BRINP3: variants seen among roughly 807,000 people sequenced by gnomAD.
BRINP3 encodes BMP/retinoic acid-inducible neural-specific protein 3.
BRINP3 carries 19 observed loss-of-function variants against 71.0 expected under a neutral mutation model. The ratio of observed to expected loss-of-function variants is 0.27; its 90% CI spans 0.19 to 0.39. BRINP3 has a LOEUF of 0.39. Among genes scored for constraint, BRINP3 ranks in the 10% least tolerant of loss-of-function variants. BRINP3 has a pLI of 1.00. For synonymous variants in BRINP3, 380 were observed against 337.7 expected, an observed-to-expected ratio of 1.13 and a Z score of -1.37; for missense variants, 959 against 940.8, an observed-to-expected ratio of 1.02 and a Z score of -0.25.
intron 3 of BRINP3, among the ~76,000 whole-genome samples, chr1:190,274,863 C>T (rs776300296): frequency 8.6e-5 from 13 of 151,486 alleles, no homozygotes; most frequent in Non-Finnish European, 1.6e-4. Context: ...GAGAAATAGG[C>T]TTTTGCCAAG....
At chr1:190,294,506 C>T (rs1664103309) in intron 2 of BRINP3, among the ~76,000 whole-genome samples, 1 of 152,004 alleles carries the variant, frequency 6.6e-6, no homozygotes, top group Non-Finnish European at 1.5e-5. Flanking sequence ...CCTGCCTTGG[C>T]CTCTCAAAGA....
chr1:190,393,283 T>A (rs1671365109), intron 2 of BRINP3, among the ~76,000 whole-genome samples: 1 of 151,566 alleles, frequency 6.6e-6, no homozygotes, highest in Non-Finnish European at 1.5e-5. Context: ...GATTTAAAAA[T>A]TTTCTTAAGA....
rs1008081308 is a variant in BRINP3, at chr1:190,160,819, A to G, written c.1033T>C (p.Trp345Arg). ...FLNTSTIMHL[W>R]TMDSNFQRRY... ...CGCTGAAAATTAGAATCCATTGTCCACAAATGCATTATAGTAGATGTGTTG... is the reference window on the plus strand; with the variant it reads ...CGCTGAAAATTAGAATCCATTGTCCGCAAATGCATTATAGTAGATGTGTTG... Residue 345 changes from tryptophan to arginine, a missense_variant, in exon 7 of 8, where the codon TGG becomes CGG. Transcript: ENST00000367462. 5 of 1,613,616 alleles carry G rather than the reference A, an allele frequency of 3.1e-6. No homozygotes were observed. The highest frequency in any genetic ancestry group is 4.2e-6 in the Non-Finnish European group (5 of 1,179,698).
At chr1:190,156,529 T>C (rs776202385) in intron 7 of BRINP3, among the ~76,000 whole-genome samples, 3 of 151,940 alleles carry the variant, frequency 2.0e-5, no homozygotes, top group Non-Finnish European at 4.4e-5. Flanking sequence ...TTTTTTGTTT[T>C]CCTGATGTCA....
At chr1:190,220,213 G>A (rs1656757034) in intron 6 of BRINP3, among the ~76,000 whole-genome samples, 2 of 151,928 alleles carry the variant, frequency 1.3e-5, no homozygotes, top group Admixed American at 6.6e-5. Context: ...GAGAAAAGAA[G>A]CAAAAAGGAT....
At chr1:190,279,900 C>T (rs1474663510) in intron 3 of BRINP3, among the ~76,000 whole-genome samples, 1 of 151,688 alleles carries the variant, frequency 6.6e-6, no homozygotes, top group African/African-American at 2.4e-5. Flanking sequence ...TTTGGATGAC[C>T]TCAATCTCCT....
chr1:190,346,113 A>T (rs1450891235), intron 2 of BRINP3, among the ~76,000 whole-genome samples: 3 of 152,002 alleles, frequency 2.0e-5, no homozygotes, highest in African/African-American at 7.2e-5. Context: ...ATATGTTTGC[A>T]AAGGCAAGTA....
intron 1 of BRINP3, among the ~76,000 whole-genome samples, chr1:190,455,671 A>G (rs1270725663): frequency 1.3e-5 from 2 of 152,278 alleles, no homozygotes; most frequent in Admixed American, 1.3e-4. Context: ...AATCATAATT[A>G]CATTATTTCT....
chr1:190,176,527 A>G (rs990330810), intron 6 of BRINP3, among the ~76,000 whole-genome samples: 11 of 152,318 alleles, frequency 7.2e-5, no homozygotes, highest in Non-Finnish European at 8.8e-5. Context: ...AGTGGATTTA[A>G]CCAAAATTTG....
chr1:190,370,563 TA>T (rs1669794182), intron 2 of BRINP3, among the ~76,000 whole-genome samples: 1 of 152,176 alleles, frequency 6.6e-6, no homozygotes, highest in South Asian at 2.1e-4. Flanking sequence ...TGAATCTTTA[TA>T]AAGGCACCAC....
intron 7 of BRINP3, among the ~76,000 whole-genome samples, chr1:190,122,679 T>C (rs990450550): frequency 3.3e-5 from 5 of 152,128 alleles, no homozygotes; most frequent in African/African-American, 9.7e-5. Flanking sequence ...TGTATACATA[T>C]GTAACAAACC....
intron 4 of BRINP3, among the ~76,000 whole-genome samples, chr1:190,236,034 G>A (rs1658484280): frequency 6.6e-6 from 1 of 152,006 alleles, no homozygotes; most frequent in Non-Finnish European, 1.5e-5. Context: ...AGAGGAGGAG[G>A]AAACATAAGG....
intron 7 of BRINP3, among the ~76,000 whole-genome samples, chr1:190,150,003 T>A (rs1656244209): frequency 6.6e-6 from 1 of 152,190 alleles, no homozygotes; most frequent in Non-Finnish European, 1.5e-5. Context: ...TGAAATGTAT[T>A]CACTCACTTT....
At chr1:190,307,430 G>A (rs147479639) in intron 2 of BRINP3, among the ~76,000 whole-genome samples, 2,053 of 151,144 alleles carry the variant, frequency 0.014, 51 homozygotes, top group African/African-American at 0.046. Flanking sequence ...CACCACACCT[G>A]GCTAATTAAA....
At chr1:190,474,933 C>T (rs1677403383) in intron 1 of BRINP3, 2 of 152,008 alleles carry the variant, frequency 1.3e-5, no homozygotes, top group African/African-American at 4.8e-5. Flanking sequence ...CCCACCCCCA[C>T]CTCCAGAAAG....
rs897050644 is a variant in BRINP3, at chr1:190,098,900, G to A, written c.1419C>T (p.Leu473=). 2.5e-6 allele frequency: 4 copies of A among 1,614,194 alleles called. No individual in the cohort carries two copies. In the African/African-American group the frequency reaches 5.3e-5, roughly 22 times the overall value. Residue 473 remains leucine, a synonymous_variant, in exon 8 of 8, where the codon CTC becomes CTT. Coordinates refer to ENST00000367462, the MANE Select transcript of BRINP3 (RefSeq NM_199051.3). ...CNTGYMLSQG[L]CKPEVAESTD... ...TGGACTCGGCGACTTCAGGCTTGCA[G>A]AGCCCCTGGCTGAGCATGTAGCCGG...
rs1183723811 is a variant in BRINP3 at position 190,099,171 on chromosome 1, A to G, written c.1185-37T>C. ...AAACAGAACGAATCTACATAAATAC[A>G]AAGATATTCTGTGTACTGCAGTAAA... On this transcript the variant is annotated intron_variant, in intron 7 of 7. Coordinates refer to ENST00000367462, the MANE Select transcript of BRINP3 (RefSeq NM_199051.3). 5.7e-6 allele frequency: 9 copies of G among 1,585,746 alleles called. No homozygotes were observed. The Admixed American group carries it at 6.8e-5, about 12-fold the overall frequency.
intron 2 of BRINP3, among the ~76,000 whole-genome samples, chr1:190,297,672 A>G (rs1480427551): frequency 6.6e-6 from 1 of 151,942 alleles, no homozygotes; most frequent in Non-Finnish European, 1.5e-5. Context: ...CGTTCATATT[A>G]TGGATTATTC....
At chr1:190,407,864 T>C (rs948807271) in intron 2 of BRINP3, among the ~76,000 whole-genome samples, 1 of 152,086 alleles carries the variant, frequency 6.6e-6, no homozygotes, top group Non-Finnish European at 1.5e-5. Context: ...ATTTATTACG[T>C]TGGCTGAGAA....
Sources: gnomAD v4.1 joint callset for allele counts (sites outside exome capture counted in the v4.1 genomes callset) on GRCh38, gnomAD v4.1.1 for gene constraint, MANE v1.5 for transcripts, NCBI Gene and HGNC (gene_info 2026-07-23, HGNC 2026-07-21) for gene names.